DMXL1: variants seen among roughly 807,000 people sequenced by gnomAD.
DMXL1 encodes the protein dmX-like protein 1.
DMXL1 carries 99 observed loss-of-function variants against 319.2 expected under a neutral mutation model. The observed-to-expected ratio is 0.31, with a 90% CI of 0.26 to 0.37. DMXL1 has a LOEUF of 0.37. Among genes scored for constraint, DMXL1 ranks in the 10% least tolerant of loss-of-function variants. The pLI, the probability that DMXL1 is intolerant of heterozygous loss-of-function variation, is 1.00. For missense variants in DMXL1, 3,745 were observed against 3,595.6 expected (o/e 1.04, Z -1.06); for synonymous variants, 1,385 against 1,235.2 (o/e 1.12, Z -2.54).
chr5:119,177,544 A>G (rs999314228), intron 27 of DMXL1, 60 bp downstream of exon 27: 95 of 1,394,646 alleles, frequency 6.8e-5, no homozygotes, highest in Middle Eastern at 1.8e-4. Flanking sequence ...TTAGATAAGT[A>G]GAAAGACTTT....
At chr5:119,150,532 T>G in intron 18 of DMXL1, 111 bp downstream of exon 18, 6 of 1,202,930 alleles carry the variant, frequency 5.0e-6, no homozygotes, top group Middle Eastern at 2.8e-4. Flanking sequence ...CTTATGCCTG[T>G]AAATTCAGCT....
At chr5:119,234,482 A>G (rs1787360539) in intron 39 of DMXL1, among the ~76,000 whole-genome samples, 2 of 151,996 alleles carry the variant, frequency 1.3e-5, no homozygotes, top group Admixed American at 6.6e-5. Flanking sequence ...GTGTGCTGCA[A>G]CCTTTTTTGT....
At chr5:119,207,906 A>G (rs1782040899) in intron 34 of DMXL1, among the ~76,000 whole-genome samples, 1 of 152,186 alleles carries the variant, frequency 6.6e-6, no homozygotes, top group African/African-American at 2.4e-5. Flanking sequence ...GTGATTTTTA[A>G]GTGAAAAATT....
Position 119,146,937 on chromosome 5 carries a change from G to T in DMXL1, c.2670G>T (p.Lys890Asn), listed in dbSNP as rs749913702. The change falls in exon 16 of 44, where the codon AAG (lysine) becomes AAT (asparagine). Residue 890 changes from lysine (K) to asparagine (N), a missense_variant. This residue lies in a region of DMXL1 where 2,096 missense variants were observed against 1,985.4 expected (regional missense o/e 1.06). Transcript: ENST00000539542. The part of the protein sequence containing the change: ...SLLHMWNLHL[K>N]SIPVSLDEKV... ...TACACATGTGGAATTTACATCTAAA[G>T]TCAATTCCTGTCTCATTAGGTGAGT... 6.2e-7 allele frequency: 1 copy of T among 1,612,408 alleles called. No homozygotes were observed. Among genetic ancestry groups the T allele is most frequent in the East Asian group, 2.2e-5 (1 of 44,744 alleles).
At position 119,244,503 on chromosome 5, in the gene DMXL1, C is replaced by G. The variant is rs1581525496; in HGVS notation, c.8849C>G (p.Ser2950Cys). ...AGGCAGCTTTTCCAGAGCCATGATT[C>G]TCCTGTTAAAGCCGTTGCTGTTGAT... ...QQRQLFQSHD[S>C]PVKAVAVDPT... Residue 2950 changes from serine (S) to cysteine (C), a missense_variant, in exon 43 of 44, where the codon TCT (serine) becomes TGT (cysteine). Ser to Cys is a moderately radical substitution (Grantham distance 112). Transcript: ENST00000539542. The G allele has an allele frequency of 1.2e-6, 2 of 1,614,134 alleles. No homozygotes were observed. Among genetic ancestry groups the G allele is most frequent in the East Asian group, 2.2e-5 (1 of 44,870 alleles).
Position 119,071,522 on chromosome 5 carries a change from C to A in DMXL1, c.-48C>A. Reference sequence around the variant, plus strand: ...GGAGGGAGGGAAGCAGCCGCTGACCCGTGGCATGAGCTGGATGCGGTGTCC... The same window carrying A: ...GGAGGGAGGGAAGCAGCCGCTGACCAGTGGCATGAGCTGGATGCGGTGTCC... On this transcript the variant is annotated 5_prime_UTR_variant, in exon 1 of 44. Coordinates refer to ENST00000539542, the MANE Select transcript of DMXL1 (RefSeq NM_001290321.3). 6.5e-7 allele frequency: 1 copy of A among 1,545,006 alleles called. No individual in the cohort carries two copies. The highest frequency in any genetic ancestry group is 8.8e-7 in the Non-Finnish European group (1 of 1,135,028).
At chr5:119,096,329 A>G (rs1469030091) in intron 1 of DMXL1, among the ~76,000 whole-genome samples, 3 of 151,966 alleles carry the variant, frequency 2.0e-5, no homozygotes, top group Admixed American at 6.6e-5. Context: ...GGCATGCACG[A>G]CCATGCCCGG....
intron 4 of DMXL1, among the ~76,000 whole-genome samples, chr5:119,106,347 C>G (rs996677983): frequency 3.9e-5 from 6 of 152,128 alleles, no homozygotes; most frequent in Non-Finnish European, 5.9e-5. Flanking sequence ...TAGACTCCCC[C>G]TCTTGATGAA....
At position 119,149,661 on chromosome 5, in the gene DMXL1, A is replaced by G; in HGVS notation, c.3834A>G (p.Pro1278=). 1 of 1,613,974 alleles carries G rather than the reference A, an allele frequency of 6.2e-7. No homozygotes were observed. The highest frequency in any genetic ancestry group is 8.5e-7 in the Non-Finnish European group (1 of 1,179,926). The change falls in exon 18 of 44, where the codon CCA becomes CCG. Residue 1278 remains proline (P), a synonymous_variant. Transcript: ENST00000539542. ...ACTCCAGTTCTGGGTTACATCCTCCAAAGAAAACTCTGACTCGATCCATGA... is the reference window on the plus strand; with the variant it reads ...ACTCCAGTTCTGGGTTACATCCTCCGAAGAAAACTCTGACTCGATCCATGA... ...QSNSSSGLHP[P]KKTLTRSMTS... is the part of the protein sequence containing the mutation.
chr5:119,186,867 A>G (rs1418620258), intron 28 of DMXL1, among the ~76,000 whole-genome samples: 1 of 145,094 alleles, frequency 6.9e-6, no homozygotes, highest in East Asian at 2.3e-4. Context: ...CTATCTTGAC[A>G]TGGAAGCTTT....
At chr5:119,235,618 T>C (rs1288086498) in intron 39 of DMXL1, among the ~76,000 whole-genome samples, 3 of 152,130 alleles carry the variant, frequency 2.0e-5, no homozygotes, top group Admixed American at 2.0e-4. Context: ...CTACCAAGTA[T>C]TGAGAAGCAA....
In DMXL1 at chr5:119,170,192, C is replaced by A; in HGVS notation, c.5401C>A (p.Gln1801Lys). The A allele has an allele frequency of 6.3e-7, 1 of 1,587,556 alleles. No individual in the cohort carries two copies. Among genetic ancestry groups the A allele is most frequent in the Non-Finnish European group, 8.5e-7 (1 of 1,170,414 alleles). The part of the protein sequence containing the change: ...IKQPIRENDD[Q>K]VLSASNPTVF... ...TCATAAAATGAATTTACTTTCAGAT[C>A]AAGTTTTATCAGCCAGTAATCCTAC... The change falls in exon 24 of 44, where the codon CAA becomes AAA. Residue 1801 changes from glutamine (Q) to lysine (K), a missense_variant and splice_region_variant. Gln to Lys is a moderately conservative substitution (Grantham distance 53, BLOSUM62 1). Transcript: ENST00000539542.
chr5:119,083,894 A>G (rs923540728), intron 1 of DMXL1, among the ~76,000 whole-genome samples: 1 of 152,118 alleles, frequency 6.6e-6, no homozygotes, highest in Admixed American at 6.6e-5. Flanking sequence ...TTACTAATTT[A>G]CATTCCCACC....
intron 1 of DMXL1, among the ~76,000 whole-genome samples, chr5:119,088,336 G>A (rs1753831227): frequency 6.6e-6 from 1 of 152,080 alleles, no homozygotes; most frequent in Non-Finnish European, 1.5e-5. Context: ...GTCTGTGTAT[G>A]CTTTTGTTGG....
At position 119,165,286 on chromosome 5, in the gene DMXL1, TAAAAA is replaced by T. The variant is rs11301800; in HGVS notation, c.4970+20_4970+24del. On this transcript the variant is annotated splice_region_variant and intron_variant, in intron 21 of 43. Transcript: ENST00000539542. ...GTGATTTGGGGATTATATAGGTAGG[TAAAAA>T]AAAAAAAAAAAAAGGGTGCTTCAAT... 4.5e-3 allele frequency: 3,917 copies of T among 878,316 alleles called. No individual in the cohort carries two copies. The highest frequency in any genetic ancestry group is 9.5e-3 in the South Asian group (486 of 51,018). 54.4% of individuals were successfully genotyped at this position (878,316 alleles called of 1,614,324 possible). A position where few individuals can be genotyped will look rare whatever the true frequency, so the allele number is the denominator to read the frequency against.
At chr5:119,083,996 A>G (rs530736373) in intron 1 of DMXL1, among the ~76,000 whole-genome samples, 164 of 152,224 alleles carry the variant, frequency 1.1e-3, no homozygotes, top group Non-Finnish European at 2.8e-4. Flanking sequence ...CTGGGGTGAG[A>G]TGATATATGT....
At chr5:119,223,148 A>G (rs1784935342) in intron 37 of DMXL1, among the ~76,000 whole-genome samples, 1 of 138,604 alleles carries the variant, frequency 7.2e-6, no homozygotes, top group South Asian at 2.3e-4. Flanking sequence ...CCTCCACCCC[A>G]CAGGTTCAAG....
chr5:119,133,547 T>G lies in DMXL1; in HGVS notation c.1623T>G (p.Ser541=). ...PVAFPTGDAN[S]LCKSIMMYAC... ...CTTTCCCCACAGGTGATGCAAACTC[T>G]CTCTGTAAAAGCATAATGATGTATG... Residue 541 remains serine (S), a synonymous_variant, in exon 12 of 44, where the codon TCT becomes TCG. Coordinates refer to ENST00000539542, the MANE Select transcript of DMXL1 (RefSeq NM_001290321.3). 1 of 1,613,222 alleles carries G rather than the reference T, an allele frequency of 6.2e-7. No homozygotes were observed. Among genetic ancestry groups the G allele is most frequent in the Non-Finnish European group, 8.5e-7 (1 of 1,179,848 alleles).
chr5:119,077,206 G>A (rs373531245), intron 1 of DMXL1, among the ~76,000 whole-genome samples: 5 of 144,852 alleles, frequency 3.5e-5, no homozygotes, highest in East Asian at 3.9e-4. Flanking sequence ...TGCCCAGACT[G>A]GTTTGGAACT....
Sources: gnomAD v4.1 joint callset for allele counts (sites outside exome capture counted in the v4.1 genomes callset) on GRCh38, gnomAD v4.1.1 for gene constraint, gnomAD v4.1.1 regional missense constraint, MANE v1.5 for transcripts, NCBI Gene and HGNC (gene_info 2026-07-23, HGNC 2026-07-21) for gene names.